The following EFHB variants were observed in gnomAD, a reference collection of about 807,000 sequenced individuals.
EFHB encodes the protein EF-hand domain family member B.
Under a neutral mutation model 87.2 loss-of-function variants are expected in EFHB, and 91 were observed. That is an observed-to-expected ratio of 1.04 (90% confidence interval 0.88 to 1.24). The LOEUF is 1.24. Ranked by LOEUF, EFHB falls within the 50% of genes most tolerant of loss-of-function variation. The pLI, the probability that EFHB is intolerant of heterozygous loss-of-function variation, is 0.00. For synonymous variants in EFHB, 325 were observed against 333.6 expected, an observed-to-expected ratio of 0.97 and a Z score of 0.28; for missense variants, 1,084 against 998.8, an observed-to-expected ratio of 1.09 and a Z score of -1.15.
At position 19,933,863 on chromosome 3, in the gene EFHB, C is replaced by T; in HGVS notation, c.156G>A (p.Lys52=). ...CTGGTGGTGCCATCCTTCCCTCACA[C>T]TTATTACTAACCACAGGGCTCTCCC... ...RCGESPVVSN[K]CEGRMAPPET... Residue 52 remains lysine, a synonymous_variant, in exon 1 of 13, where the codon AAG becomes AAA. Transcript: ENST00000295824. 6.2e-7 allele frequency: 1 copy of T among 1,613,990 alleles called. No individual in the cohort carries two copies. Among genetic ancestry groups the T allele is most frequent in the Non-Finnish European group, 8.5e-7 (1 of 1,179,890 alleles).
intron 8 of EFHB, 151 bp downstream of exon 8, chr3:19,898,627 T>C (rs755560170): frequency 1.4e-4 from 111 of 801,898 alleles, no homozygotes; most frequent in Non-Finnish European, 2.1e-4. Context: ...TTCTGTGTTA[T>C]ACACTTTTCT....
chr3:19,893,515 C>G (rs874984), intron 9 of EFHB, among the ~76,000 whole-genome samples: 75,158 of 151,460 alleles, frequency 0.5, 21,076 homozygotes, highest in African/African-American at 0.78. Flanking sequence ...AGGGGAGTGA[C>G]AGACATCATG....
intron 5 of EFHB, among the ~76,000 whole-genome samples, chr3:19,912,789 A>G (rs1198361479): frequency 6.6e-6 from 1 of 152,160 alleles, no homozygotes; most frequent in Non-Finnish European, 1.5e-5. Context: ...AATAGTGTTA[A>G]GTTGTTATCA....
intron 6 of EFHB, among the ~76,000 whole-genome samples, chr3:19,904,602 C>A (rs1458492695): frequency 6.6e-6 from 1 of 152,222 alleles, no homozygotes; most frequent in Admixed American, 6.5e-5. Context: ...TCTTCACATA[C>A]CTTCCCTTCT....
At chr3:19,942,000 C>CA (rs1236593261) in intron 1 of EFHB, among the ~76,000 whole-genome samples, 7 of 151,002 alleles carry the variant, frequency 4.6e-5, no homozygotes, top group African/African-American at 1.2e-4. Flanking sequence ...ACTAAAAATA[C>CA]AAAAAAAATT....
intron 5 of EFHB, 62 bp from the exon 6 acceptor site, chr3:19,905,811 T>A: frequency 6.5e-7 from 1 of 1,530,314 alleles, no homozygotes; most frequent in Non-Finnish European, 8.8e-7. Context: ...TCATGCAAGA[T>A]GCACACTATG....
At chr3:19,900,932 A>C (rs1471566538) in intron 6 of EFHB, among the ~76,000 whole-genome samples, 1 of 152,034 alleles carries the variant, frequency 6.6e-6, no homozygotes, top group Non-Finnish European at 1.5e-5. Context: ...GTCTCAAAAA[A>C]AAAAAAAATG....
intron 6 of EFHB, among the ~76,000 whole-genome samples, chr3:19,903,633 A>G (rs376937138): frequency 7.9e-5 from 12 of 152,318 alleles, no homozygotes; most frequent in Admixed American, 5.9e-4. Context: ...ACTATCTCAT[A>G]CAGGGTTACT....
intron 1 of EFHB, among the ~76,000 whole-genome samples, chr3:19,929,687 C>T (rs1377877694): frequency 2.6e-5 from 3 of 113,998 alleles, no homozygotes; most frequent in Middle Eastern, 9.3e-3. Flanking sequence ...CCAGCCTGGG[C>T]GAGAGCGTGA....
At chr3:19,929,804 A>G (rs898747846) in intron 1 of EFHB, among the ~76,000 whole-genome samples, 2 of 152,148 alleles carry the variant, frequency 1.3e-5, no homozygotes, top group Non-Finnish European at 2.9e-5. Context: ...TCTTATAAAT[A>G]ACAAATGAAA....
intron 6 of EFHB, among the ~76,000 whole-genome samples, chr3:19,905,406 G>GA (rs140603098): frequency 0.12 from 18,490 of 148,748 alleles, 1,214 homozygotes; most frequent in Middle Eastern, 0.16. Flanking sequence ...AATAAAGATA[G>GA]AAAAAAAAAA....
intron 9 of EFHB, among the ~76,000 whole-genome samples, chr3:19,892,142 G>GGTT (rs1694327330): frequency 6.6e-6 from 1 of 152,142 alleles, no homozygotes; most frequent in Non-Finnish European, 1.5e-5. Flanking sequence ...AGTTAATCTG[G>GGTT]GTTGTGCGTT....
chr3:19,933,586 C>G lies in EFHB; in HGVS notation c.433G>C (p.Ala145Pro), dbSNP rs752761098. Reference sequence around the variant, plus strand: ...CCTTCAGGGCCACTAGCCAAAGGAGCTCTCCTGCTCCCTGCAGCCTGTGAA... The same window carrying G: ...CCTTCAGGGCCACTAGCCAAAGGAGGTCTCCTGCTCCCTGCAGCCTGTGAA... ...GSSQAAGSRR[A>P]PLASGPEGVE... The change falls in exon 1 of 13, where the codon GCT becomes CCT. Residue 145 changes from alanine (A) to proline (P), a missense_variant. Coordinates refer to ENST00000295824, the MANE Select transcript of EFHB (RefSeq NM_144715.4). 1 of 1,614,030 alleles carries G rather than the reference C, an allele frequency of 6.2e-7. No homozygotes were observed. Among genetic ancestry groups the G allele is most frequent in the South Asian group, 1.1e-5 (1 of 91,078 alleles).
chr3:19,892,027 G>T (rs1025232089), intron 9 of EFHB, among the ~76,000 whole-genome samples: 1 of 152,118 alleles, frequency 6.6e-6, no homozygotes, highest in Admixed American at 6.5e-5. Context: ...CCTCCTCAGA[G>T]CTATTGGTGG....
intron 1 of EFHB, among the ~76,000 whole-genome samples, chr3:19,939,423 CG>C (rs1696101918): frequency 9.4e-5 from 8 of 84,974 alleles, no homozygotes; most frequent in South Asian, 6.5e-4. Flanking sequence ...CACTCTGTCG[CG>C]CCCAGGCTGG....
intron 6 of EFHB, among the ~76,000 whole-genome samples, chr3:19,903,219 G>A (rs779148859): frequency 6.6e-6 from 1 of 151,694 alleles, no homozygotes; most frequent in African/African-American, 2.4e-5. Context: ...ATAAAACACT[G>A]TTCCATAAAC....
At chr3:19,902,793 A>T (rs1694716372) in intron 6 of EFHB, among the ~76,000 whole-genome samples, 1 of 152,346 alleles carries the variant, frequency 6.6e-6, no homozygotes, top group African/African-American at 2.4e-5. Context: ...CAGAAATCAA[A>T]CTGAATGAAG....
intron 5 of EFHB, among the ~76,000 whole-genome samples, chr3:19,912,610 G>A (rs1325977872): frequency 6.6e-6 from 1 of 152,044 alleles, no homozygotes; most frequent in Non-Finnish European, 1.5e-5. Flanking sequence ...CTCTTATCCC[G>A]AGTAGATAGA....
At chr3:19,893,026 A>C (rs1434520032) in intron 9 of EFHB, among the ~76,000 whole-genome samples, 5 of 150,752 alleles carry the variant, frequency 3.3e-5, no homozygotes, top group Non-Finnish European at 7.4e-5. Flanking sequence ...ATCTCAGCTC[A>C]CTGCAACCTC....
Sources: gnomAD v4.1 joint callset for allele counts (sites outside exome capture counted in the v4.1 genomes callset) on GRCh38, gnomAD v4.1.1 for gene constraint, MANE v1.5 for transcripts, NCBI Gene and HGNC (gene_info 2026-07-23, HGNC 2026-07-21) for gene names.